Variants in MEIKIN observed in about 807,000 individuals in gnomAD.
MEIKIN encodes meiotic kinetochore factor, also known as meiosis-specific kinetochore protein.
chr5:131,886,909 C>T (rs79985694), intron 8 of MEIKIN, among the ~76,000 whole-genome samples: 5 of 150,924 alleles, frequency 3.3e-5, no homozygotes, highest in South Asian at 2.1e-4. Context: ...CCCATCAACT[C>T]GTCATTTACA....
chr5:131,934,465 G>C (rs774560978), intron 4 of MEIKIN, among the ~76,000 whole-genome samples: 4 of 152,044 alleles, frequency 2.6e-5, no homozygotes, highest in African/African-American at 4.8e-5. Context: ...ATTCAGTGGA[G>C]AAAGGATAGT....
chr5:131,850,775 C>CA (rs1750102109), intron 11 of MEIKIN, among the ~76,000 whole-genome samples: 1 of 151,772 alleles, frequency 6.6e-6, no homozygotes, highest in Admixed American at 6.6e-5. Context: ...CCAGTCTCTA[C>CA]AAAAAATACA....
In MEIKIN at chr5:131,902,376, T is replaced by C. The variant is rs188087015; in HGVS notation, c.703+9439A>G. The stretch of plus-strand genomic sequence containing the variant: ...TGAACCTGGGAGGTGGAGGTTGTGG[T>C]AAGCCAAGATGGTGTCACTGCACTC... On this transcript the variant is annotated intron_variant, in intron 8 of 12. Transcript: ENST00000442687. 4.6e-5 allele frequency among the ~76,000 whole-genome samples: 7 copies of C among 152,162 alleles called. No homozygotes were observed. The East Asian group carries it at 1.4e-3, about 29-fold the overall frequency.
At chr5:131,837,698 C>T (rs1749833838) in intron 11 of MEIKIN, among the ~76,000 whole-genome samples, 1 of 152,008 alleles carries the variant, frequency 6.6e-6, no homozygotes, top group Non-Finnish European at 1.5e-5. Context: ...TATTTTTGTA[C>T]ATTGATTTTG....
chr5:131,832,219 C>A (rs1252353660), intron 11 of MEIKIN, among the ~76,000 whole-genome samples: 1 of 152,140 alleles, frequency 6.6e-6, no homozygotes, highest in Non-Finnish European at 1.5e-5. Context: ...GTAAGTACAG[C>A]CATTCTAAAT....
intron 10 of MEIKIN, among the ~76,000 whole-genome samples, chr5:131,853,093 G>A (rs1750141324): frequency 6.6e-6 from 1 of 152,142 alleles, no homozygotes; most frequent in African/African-American, 2.4e-5. Context: ...CCTGATAAGT[G>A]TAAGAATGTC....
At chr5:131,925,469 G>C (rs28866891) in intron 5 of MEIKIN, among the ~76,000 whole-genome samples, 15,737 of 151,930 alleles carry the variant, frequency 0.1, 1,911 homozygotes, top group African/African-American at 0.3. Flanking sequence ...TTGTTTTCCA[G>C]CATACATATC....
At chr5:131,870,364 T>C (rs1165059166) in intron 9 of MEIKIN, among the ~76,000 whole-genome samples, 1 of 152,210 alleles carries the variant, frequency 6.6e-6, no homozygotes, top group Non-Finnish European at 1.5e-5. Flanking sequence ...TATGATACTA[T>C]GTTCTGTTTA....
intron 9 of MEIKIN, among the ~76,000 whole-genome samples, chr5:131,870,692 T>C (rs185138188): frequency 7.1e-4 from 108 of 152,296 alleles, no homozygotes; most frequent in Middle Eastern, 3.4e-3. Flanking sequence ...ACATTTCTTA[T>C]TCCTTCATCA....
intron 11 of MEIKIN, among the ~76,000 whole-genome samples, chr5:131,836,048 C>G (rs1749800621): frequency 6.6e-6 from 1 of 152,162 alleles, no homozygotes; most frequent in African/African-American, 2.4e-5. Context: ...TCTCCCTCCT[C>G]CCACTCTCCA....
chr5:131,832,766 T>G (rs1438370640), intron 11 of MEIKIN, among the ~76,000 whole-genome samples: 1 of 152,246 alleles, frequency 6.6e-6, no homozygotes, highest in African/African-American at 2.4e-5. Flanking sequence ...CTGCCAAGCT[T>G]GAGGCTTGCA....
intron 8 of MEIKIN, among the ~76,000 whole-genome samples, chr5:131,885,389 G>A (rs867683400): frequency 5.8e-3 from 572 of 99,068 alleles, no homozygotes; most frequent in African/African-American, 0.017. Context: ...GAGAGAGAGA[G>A]AGAGAGAGAG....
At position 131,941,142 on chromosome 5, in the gene MEIKIN, C is replaced by CTTTGT. The variant is rs1751863094; in HGVS notation, c.349+1492_349+1493insACAAA. On this transcript the variant is annotated intron_variant, in intron 4 of 12. Transcript: ENST00000442687. ...TTGACAATTCCTTCAAGATCTCTTCCTTTTTTTTTTTTTTTTTTTTTTTTT... is the reference window on the plus strand; with the variant it reads ...TTGACAATTCCTTCAAGATCTCTTCCTTTGTTTTTTTTTTTTTTTTTTTTTTTTTT... Among the ~76,000 whole-genome samples, 2 of 59,662 alleles carry CTTTGT rather than the reference C, an allele frequency of 3.4e-5. 1 individual carries two copies. Among genetic ancestry groups the CTTTGT allele is most frequent in the African/African-American group, 1.5e-4 (2 of 13,088 alleles). The allele number at this position is 59,662 out of a possible 152,430, so 39.1% of individuals were successfully genotyped here. A position where few individuals can be genotyped will look rare whatever the true frequency, so the allele number is the denominator to read the frequency against.
At chr5:131,860,005 CT>C (rs1003557676) in intron 9 of MEIKIN, among the ~76,000 whole-genome samples, 9 of 152,088 alleles carry the variant, frequency 5.9e-5, no homozygotes, top group African/African-American at 2.2e-4. Context: ...GAGCTTGTTC[CT>C]TTTGCTTAGG....
chr5:131,929,346 T>C (rs950635031), intron 5 of MEIKIN, among the ~76,000 whole-genome samples: 1 of 152,144 alleles, frequency 6.6e-6, no homozygotes, highest in Non-Finnish European at 1.5e-5. Context: ...ATTCCCCAGA[T>C]TTGGGATGAT....
intron 9 of MEIKIN, among the ~76,000 whole-genome samples, chr5:131,863,576 T>C (rs1750327079): frequency 6.7e-6 from 1 of 148,940 alleles, no homozygotes; most frequent in African/African-American, 2.5e-5. Flanking sequence ...TTTTTTTTTT[T>C]TTTTTTTACT....
At chr5:131,846,816 T>G (rs554554554) in intron 11 of MEIKIN, among the ~76,000 whole-genome samples, 1 of 152,076 alleles carries the variant, frequency 6.6e-6, no homozygotes, top group African/African-American at 2.4e-5. Context: ...TGAGTTTCCA[T>G]CTCAAAAAAA....
chr5:131,854,939 A>G, intron 9 of MEIKIN, 105 bp from the exon 10 acceptor site: 1 of 386,118 alleles, frequency 2.6e-6, no homozygotes, highest in East Asian at 3.7e-5. Context: ...CATAATGTAC[A>G]GTACTAAGAA....
chr5:131,888,845 T>A (rs1410117081), intron 8 of MEIKIN, among the ~76,000 whole-genome samples: 1 of 152,200 alleles, frequency 6.6e-6, no homozygotes, highest in African/African-American at 2.4e-5. Flanking sequence ...TGGCTTTAGG[T>A]CTAACATGTA....
Sources: allele counts gnomAD v4.1 joint callset (sites outside exome capture counted in the v4.1 genomes callset), GRCh38; gene constraint gnomAD v4.1.1; transcripts MANE v1.5; gene names NCBI Gene and HGNC (gene_info 2026-07-23, HGNC 2026-07-21).